The following DPYD variants were observed in gnomAD, a reference collection of about 807,000 sequenced individuals.
The protein encoded by DPYD is dihydropyrimidine dehydrogenase.
A neutral mutation model predicts 116.2 loss-of-function variants in DPYD; 109 were observed. That is an observed-to-expected ratio of 0.94 (90% CI 0.80 to 1.10). The LOEUF is 1.10. Among genes scored for constraint, DPYD ranks in the 50% least tolerant of loss-of-function variants. The pLI is 0.00. For synonymous variants in DPYD, 440 were observed against 432.0 expected, an observed-to-expected ratio of 1.02 and a Z score of -0.23; for missense variants, 1,302 against 1,254.5, an observed-to-expected ratio of 1.04 and a Z score of -0.57.
chr1:97,448,833 C>T (rs1032451993), intron 14 of DPYD, among the ~76,000 whole-genome samples: 11 of 151,928 alleles, frequency 7.2e-5, no homozygotes, highest in African/African-American at 1.4e-4. Context: ...CACATCCAAA[C>T]GACTATCTTG....
At chr1:97,313,998 C>T (rs1667666467) in intron 16 of DPYD, among the ~76,000 whole-genome samples, 1 of 151,960 alleles carries the variant, frequency 6.6e-6, no homozygotes, top group Non-Finnish European at 1.5e-5. Context: ...AAAACATTTG[C>T]ATCTCCTCTT....
intron 18 of DPYD, among the ~76,000 whole-genome samples, chr1:97,280,515 A>G (rs1487596938): frequency 6.6e-6 from 1 of 152,216 alleles, no homozygotes; most frequent in Non-Finnish European, 1.5e-5. Context: ...CTATAGATAA[A>G]TAAAGAAAAT....
At chr1:97,706,571 A>T (rs947620619) in intron 5 of DPYD, among the ~76,000 whole-genome samples, 5 of 152,064 alleles carry the variant, frequency 3.3e-5, no homozygotes, top group Admixed American at 2.6e-4. Context: ...TAGTGCCTCC[A>T]TAGTTTTGCC....
Position 97,722,355 on chromosome 1 carries a change from G to A in DPYD, c.322-684C>T, listed in dbSNP as rs1662971139. On this transcript the variant is annotated intron_variant, in intron 4 of 22. Transcript: ENST00000370192. ...GTGATTTTTATGATATACTGGAACA[G>A]AAAAAAAAGTAAAAATTAAGAAAAT... Among the ~76,000 whole-genome samples the A allele has an allele frequency of 2.0e-5, 3 of 150,668 alleles. No individual in the cohort carries two copies. The Admixed American group carries it at 2.0e-4, about 10-fold the overall frequency.
At chr1:97,744,032 A>C (rs1459090961) in intron 3 of DPYD, among the ~76,000 whole-genome samples, 1 of 152,102 alleles carries the variant, frequency 6.6e-6, no homozygotes, top group Non-Finnish European at 1.5e-5. Flanking sequence ...TTTCATATTT[A>C]ATACAAAGCA....
At chr1:97,146,668 G>T (rs1014781765) in intron 20 of DPYD, among the ~76,000 whole-genome samples, 14 of 151,980 alleles carry the variant, frequency 9.2e-5, no homozygotes, top group African/African-American at 3.1e-4. Context: ...AACCTTTTTT[G>T]TGTGTGTGAT....
At position 97,273,005 on chromosome 1, in the gene DPYD, C is replaced by A. The variant is rs991606944; in HGVS notation, c.2299+32254G>T. Reference sequence around the variant, plus strand: ...TGAAGTCAATGTACAAAACTTTCAACCCTAAAGTTGCCTAAGGGAATCAGA... The same window carrying A: ...TGAAGTCAATGTACAAAACTTTCAAACCTAAAGTTGCCTAAGGGAATCAGA... On this transcript the variant is annotated intron_variant, in intron 18 of 22. Coordinates refer to ENST00000370192, the MANE Select transcript of DPYD (RefSeq NM_000110.4). Among the ~76,000 whole-genome samples, 11 of 152,150 alleles carry A rather than the reference C, an allele frequency of 7.2e-5. 1 individual carries two copies. The highest frequency in any genetic ancestry group is 2.6e-4 in the Admixed American group (4 of 15,272).
chr1:97,541,562 AT>A (rs1400430167), intron 12 of DPYD, among the ~76,000 whole-genome samples: 1 of 152,178 alleles, frequency 6.6e-6, no homozygotes, highest in African/African-American at 2.4e-5. Context: ...TTGGCCCTGG[AT>A]TTTTTTAAAA....
At chr1:97,876,638 G>A (rs1221334851) in intron 2 of DPYD, among the ~76,000 whole-genome samples, 2 of 151,880 alleles carry the variant, frequency 1.3e-5, no homozygotes. Flanking sequence ...TTTATGAGGT[G>A]GTTGTAGTTT....
chr1:97,129,660 TAGTC>T (rs1653126538), intron 20 of DPYD, among the ~76,000 whole-genome samples: 2 of 152,160 alleles, frequency 1.3e-5, no homozygotes, highest in Admixed American at 6.5e-5. Flanking sequence ...AATAGTTTCT[TAGTC>T]AGTCTCTTTT....
At chr1:97,662,208 G>C (rs1379924272) in intron 8 of DPYD, among the ~76,000 whole-genome samples, 3 of 150,716 alleles carry the variant, frequency 2.0e-5, no homozygotes, top group Admixed American at 1.3e-4. Flanking sequence ...CACCATGTTA[G>C]CCAGGATGGT....
chr1:97,519,425 C>T (rs1453539398), intron 12 of DPYD, among the ~76,000 whole-genome samples: 2 of 152,128 alleles, frequency 1.3e-5, no homozygotes, highest in Non-Finnish European at 2.9e-5. Flanking sequence ...AATTTCCTCC[C>T]AACGGGTCCC....
intron 18 of DPYD, among the ~76,000 whole-genome samples, chr1:97,297,927 C>G (rs1240963491): frequency 6.6e-6 from 1 of 152,122 alleles, no homozygotes; most frequent in African/African-American, 2.4e-5. Flanking sequence ...AATAAATTCT[C>G]TTTGCATAAA....
Position 97,237,241 on chromosome 1 carries a change from CAAAAAAAAAAAAA to C in DPYD, c.2300-2260_2300-2248del, listed in dbSNP as rs58926889. Among the ~76,000 whole-genome samples, 145 of 57,698 alleles carry C rather than the reference CAAAAAAAAAAAAA, an allele frequency of 2.5e-3. 1 individual carries two copies. The South Asian group carries it at 0.026, about 10-fold the overall frequency. 37.9% of individuals were successfully genotyped at this position (57,698 alleles called of 152,430 possible). ...GGGCAACAAGAGCAAGATTCTGTCT[CAAAAAAAAAAAAA>C]AAAAAAAAAAAAAAAAAATCGGTGG... On this transcript the variant is annotated intron_variant, in intron 18 of 22. Coordinates refer to ENST00000370192, the MANE Select transcript of DPYD (RefSeq NM_000110.4).
intron 20 of DPYD, among the ~76,000 whole-genome samples, chr1:97,171,310 G>A (rs753892347): frequency 6.6e-6 from 1 of 152,164 alleles, no homozygotes; most frequent in East Asian, 1.9e-4. Context: ...ATACAGGTGA[G>A]TAAGTATTGT....
chr1:97,909,453 C>A (rs1414862455), intron 1 of DPYD, among the ~76,000 whole-genome samples: 1 of 152,030 alleles, frequency 6.6e-6, no homozygotes, highest in African/African-American at 2.4e-5. Context: ...TTTCTGTTCC[C>A]CTTTACAGGA....
At chr1:97,371,336 T>C (rs1183147454) in intron 16 of DPYD, among the ~76,000 whole-genome samples, 1 of 152,230 alleles carries the variant, frequency 6.6e-6, no homozygotes, top group Non-Finnish European at 1.5e-5. Context: ...TGCATGCAGC[T>C]CTGTGCTTAG....
At chr1:97,356,048 C>T (rs1670411519) in intron 16 of DPYD, among the ~76,000 whole-genome samples, 1 of 152,142 alleles carries the variant, frequency 6.6e-6, no homozygotes, top group Admixed American at 6.5e-5. Context: ...TTTCCACCAA[C>T]AGCGTGCCAG....
intron 13 of DPYD, among the ~76,000 whole-genome samples, chr1:97,458,479 G>A (rs565766283): frequency 6.6e-6 from 1 of 152,258 alleles, no homozygotes; most frequent in African/African-American, 2.4e-5. Flanking sequence ...AAATAAGCAC[G>A]AAGCAGAGAT....
Sources: allele counts gnomAD v4.1 joint callset (sites outside exome capture counted in the v4.1 genomes callset), GRCh38; gene constraint gnomAD v4.1.1; transcripts MANE v1.5; gene names NCBI Gene and HGNC (gene_info 2026-07-23, HGNC 2026-07-21).